Variants in KLHL14 observed in about 807,000 individuals in gnomAD.
KLHL14 encodes kelch like family member 14.
A neutral mutation model predicts 64.3 loss-of-function variants in KLHL14; 22 were observed. The observed-to-expected ratio is 0.34, with a 90% CI of 0.24 to 0.49. The LOEUF is 0.49. KLHL14 is among the 20% of genes least tolerant of loss of function. The pLI is 0.99. For synonymous variants in KLHL14, 322 were observed against 333.4 expected, an observed-to-expected ratio of 0.97 and a Z score of 0.37; for missense variants, 661 against 789.0, an observed-to-expected ratio of 0.84 and a Z score of 1.94.
intron 3 of KLHL14, among the ~76,000 whole-genome samples, chr18:32,702,688 G>C (rs913715967): frequency 6.6e-6 from 1 of 152,044 alleles, no homozygotes; most frequent in African/African-American, 2.4e-5. Context: ...TTGTGTATTT[G>C]GGGATGATTT....
chr18:32,761,188 G>C (rs992408355), intron 2 of KLHL14, among the ~76,000 whole-genome samples: 3 of 152,124 alleles, frequency 2.0e-5, no homozygotes, highest in Non-Finnish European at 4.4e-5. Flanking sequence ...CTCGGCTAAC[G>C]TGGAGCCAGG....
At chr18:32,699,582 TG>T (rs2049953828) in intron 3 of KLHL14, among the ~76,000 whole-genome samples, 1 of 152,070 alleles carries the variant, frequency 6.6e-6, no homozygotes, top group South Asian at 2.1e-4. Flanking sequence ...AATCCAAACA[TG>T]GGGATATCTG....
At chr18:32,685,939 G>C (rs1434533349) in intron 5 of KLHL14, among the ~76,000 whole-genome samples, 1 of 151,928 alleles carries the variant, frequency 6.6e-6, no homozygotes, top group African/African-American at 2.4e-5. Flanking sequence ...TATAAAAAGA[G>C]AGATATTCAG....
chr18:32,745,855 CACAA>C (rs2050221425), intron 2 of KLHL14, among the ~76,000 whole-genome samples: 1 of 152,036 alleles, frequency 6.6e-6, no homozygotes, highest in African/African-American at 2.4e-5. Flanking sequence ...TTGAAAACAC[CACAA>C]ACAAAGATAC....
At chr18:32,718,086 A>G (rs976826274) in intron 3 of KLHL14, among the ~76,000 whole-genome samples, 2 of 152,106 alleles carry the variant, frequency 1.3e-5, no homozygotes, top group Non-Finnish European at 2.9e-5. Context: ...TATTATCCCT[A>G]TTCTGGGTTA....
chr18:32,706,437 C>T (rs940225328), intron 3 of KLHL14, among the ~76,000 whole-genome samples: 1 of 152,122 alleles, frequency 6.6e-6, no homozygotes, highest in Non-Finnish European at 1.5e-5. Context: ...CCCTTTACCC[C>T]TTTCTCGGCA....
intron 2 of KLHL14, among the ~76,000 whole-genome samples, chr18:32,766,560 A>T (rs1034224289): frequency 1.3e-5 from 2 of 152,124 alleles, no homozygotes; most frequent in African/African-American, 4.8e-5. Flanking sequence ...AACTGTGGTC[A>T]CGTTGCTGGT....
intron 8 of KLHL14, among the ~76,000 whole-genome samples, chr18:32,676,553 G>A (rs1013908419): frequency 6.6e-6 from 1 of 152,108 alleles, no homozygotes; most frequent in Non-Finnish European, 1.5e-5. Context: ...ATTTTTAAAA[G>A]GTAAATACTG....
chr18:32,724,881 T>TAAC (rs1339588016), intron 3 of KLHL14, among the ~76,000 whole-genome samples: 2 of 152,236 alleles, frequency 1.3e-5, no homozygotes, highest in Non-Finnish European at 2.9e-5. Context: ...ATCAAGCTAG[T>TAAC]TACGTCTGCC....
rs529818325 is a variant in KLHL14, at chr18:32,761,589, C to T, written c.947+8056G>A. ...GCAGAGAAAGTCTTCTCCAGTCACT[C>T]GGATAAGGTTACAGCTGTCTGTTAT... On this transcript the variant is annotated intron_variant, in intron 2 of 8. Coordinates refer to ENST00000359358, the MANE Select transcript of KLHL14 (RefSeq NM_020805.3). Among the ~76,000 whole-genome samples the T allele has an allele frequency of 2.3e-4, 35 of 152,130 alleles. 1 individual carries two copies. In the East Asian group the frequency reaches 2.5e-3, roughly 11 times the overall value.
chr18:32,707,206 T>C lies in KLHL14; in HGVS notation c.1070-11654A>G, dbSNP rs142583418. ...GCTCATCACCAGAGAAACTCAGCTC[T>C]ATATCAGTTGCCTCCTGAGGAGCAG... On this transcript the variant is annotated intron_variant, in intron 3 of 8. Coordinates refer to ENST00000359358, the MANE Select transcript of KLHL14 (RefSeq NM_020805.3). Among the ~76,000 whole-genome samples the C allele has an allele frequency of 3.3e-3, 510 of 152,338 alleles. 4 individuals carry two copies. The highest frequency in any genetic ancestry group is 6.7e-3 in the Admixed American group (102 of 15,304).
chr18:32,698,667 CAG>C (rs2049948067), intron 3 of KLHL14, among the ~76,000 whole-genome samples: 1 of 152,084 alleles, frequency 6.6e-6, no homozygotes. Flanking sequence ...AATATAATAA[CAG>C]GTGTTCATAA....
In KLHL14 at chr18:32,745,345, A is replaced by G. The variant is rs1013046624; in HGVS notation, c.948-3296T>C. ...AAATTGAAACCCAAAATAGGATAAA[A>G]CATGTAAGAAGTTGGATCATACAGA... On this transcript the variant is annotated intron_variant, in intron 2 of 8. Transcript: ENST00000359358. The G allele has an allele frequency of 7.9e-5, 12 of 152,344 alleles. No individual in the cohort carries two copies. In the East Asian group the frequency reaches 2.1e-3, roughly 27 times the overall value. The allele number at this position is 152,344 out of a possible 1,614,324, so 9.4% of individuals were successfully genotyped here. A position where few individuals can be genotyped will look rare whatever the true frequency, so the allele number is the denominator to read the frequency against.
intron 4 of KLHL14, among the ~76,000 whole-genome samples, chr18:32,692,588 C>G (rs1598550955): frequency 6.6e-6 from 1 of 152,180 alleles, no homozygotes. Flanking sequence ...GAAGGAGTTC[C>G]TTGTGAGTGA....
chr18:32,728,492 C>G (rs1373509667), intron 3 of KLHL14, among the ~76,000 whole-genome samples: 1 of 152,154 alleles, frequency 6.6e-6, no homozygotes, highest in African/African-American at 2.4e-5. Flanking sequence ...GTGTCATTCT[C>G]TAGGTGTAAT....
intron 3 of KLHL14, among the ~76,000 whole-genome samples, chr18:32,697,181 A>C (rs1051434272): frequency 2.6e-5 from 4 of 152,260 alleles, no homozygotes; most frequent in African/African-American, 9.6e-5. Flanking sequence ...TACAGGCTTC[A>C]CTACTCAGAA....
intron 1 of KLHL14, chr18:32,771,991 AG>A: frequency 4.8e-6 from 1 of 207,830 alleles, no homozygotes; most frequent in South Asian, 7.7e-5. Context: ...AGAGGAGGGC[AG>A]GGTGGGGGAG....
At chr18:32,701,296 C>T (rs1399963483) in intron 3 of KLHL14, among the ~76,000 whole-genome samples, 1 of 152,088 alleles carries the variant, frequency 6.6e-6, no homozygotes, top group African/African-American at 2.4e-5. Context: ...GGATGAACAA[C>T]ACAGATAAAT....
Position 32,769,716 on chromosome 18 carries a change from C to A in KLHL14, c.876G>T (p.Lys292Asn). The A allele has an allele frequency of 1.3e-6, 2 of 1,583,938 alleles. No individual in the cohort carries two copies. Among genetic ancestry groups the A allele is most frequent in the Non-Finnish European group, 1.7e-6 (2 of 1,162,886 alleles). Reference protein sequence around the residue: ...DFMRTDPVCQKLLLDAMNYHL... With the variant: ...DFMRTDPVCQNLLLDAMNYHL... ...GGTAGTTCATGGCGTCCAGCAGCAG[C>A]TTCTGGCAGACCGGGTCGGTTCGCA... The change falls in exon 2 of 9, where the codon AAG (lysine) becomes AAT (asparagine). Residue 292 changes from lysine (K) to asparagine (N), a missense_variant. Physicochemically the swap from Lys to Asn is moderately conservative, Grantham distance 94. Coordinates refer to ENST00000359358, the MANE Select transcript of KLHL14 (RefSeq NM_020805.3).
Sources: gnomAD v4.1 joint callset for allele counts (sites outside exome capture counted in the v4.1 genomes callset) on GRCh38, gnomAD v4.1.1 for gene constraint, MANE v1.5 for transcripts, NCBI Gene and HGNC (gene_info 2026-07-23, HGNC 2026-07-21) for gene names.